The following PRKG1 variants were observed in gnomAD, a reference collection of about 807,000 sequenced individuals.
PRKG1 encodes the protein cGMP-dependent protein kinase 1.
In PRKG1, 35 loss-of-function variants were observed where a neutral mutation model predicts 88.1. The ratio of observed to expected loss-of-function variants is 0.40; its 90% CI spans 0.30 to 0.53. The LOEUF is 0.53. PRKG1 is among the 20% of genes least tolerant of loss of function. PRKG1 has a pLI of 0.59. For synonymous variants in PRKG1, 303 were observed against 292.5 expected, an observed-to-expected ratio of 1.04 and a Z score of -0.37; for missense variants, 540 against 839.8, an observed-to-expected ratio of 0.64 and a Z score of 4.41.
chr10:52,292,913 C>A (rs937070378), intron 17 of PRKG1, among the ~76,000 whole-genome samples: 10 of 151,912 alleles, frequency 6.6e-5, no homozygotes, highest in African/African-American at 2.4e-4. Context: ...CTGGTCAGGG[C>A]AATTAGGCAG....
intron 8 of PRKG1, among the ~76,000 whole-genome samples, chr10:52,151,587 T>C (rs910414290): frequency 6.6e-6 from 1 of 152,200 alleles, no homozygotes; most frequent in African/African-American, 2.4e-5. Flanking sequence ...TATCTACTTT[T>C]GTTAGTATGG....
intron 1 of PRKG1, among the ~76,000 whole-genome samples, chr10:51,108,239 T>C (rs10995673): frequency 0.29 from 43,652 of 151,918 alleles, 6,504 homozygotes; most frequent in African/African-American, 0.34. Context: ...GGGATATTTT[T>C]GGCTCAATTT....
intron 1 of PRKG1, among the ~76,000 whole-genome samples, chr10:51,002,444 T>G (rs748949134): frequency 1.4e-4 from 21 of 152,196 alleles, no homozygotes; most frequent in Non-Finnish European, 1.6e-4. Context: ...TTTATTTACA[T>G]GTATCTAAAT....
intron 8 of PRKG1, among the ~76,000 whole-genome samples, chr10:52,151,704 T>TA (rs1837931761): frequency 6.6e-6 from 1 of 152,180 alleles, no homozygotes; most frequent in Non-Finnish European, 1.5e-5. Context: ...AGTTGAGAGA[T>TA]ATTTATTTTT....
intron 8 of PRKG1, among the ~76,000 whole-genome samples, chr10:52,138,024 T>A (rs1336551898): frequency 6.6e-6 from 1 of 152,064 alleles, no homozygotes; most frequent in Non-Finnish European, 1.5e-5. Context: ...CCCAGGAAAT[T>A]AAGATTTAAA....
chr10:51,636,845 C>T (rs1184194883), intron 3 of PRKG1, among the ~76,000 whole-genome samples: 1 of 152,138 alleles, frequency 6.6e-6, no homozygotes, highest in East Asian at 1.9e-4. Context: ...TGATAGGTAG[C>T]AAACGAGGAG....
chr10:51,427,884 C>T (rs912447182), intron 2 of PRKG1, among the ~76,000 whole-genome samples: 5 of 152,074 alleles, frequency 3.3e-5, no homozygotes, highest in African/African-American at 1.2e-4. Context: ...ATCATAAACA[C>T]CAGGTGGTGA....
At chr10:51,187,085 C>T (rs1837511900) in intron 2 of PRKG1, among the ~76,000 whole-genome samples, 1 of 150,594 alleles carries the variant, frequency 6.6e-6, no homozygotes. Flanking sequence ...ATGAGAAGTC[C>T]AAACTACTTA....
intron 1 of PRKG1, among the ~76,000 whole-genome samples, chr10:51,124,179 A>G (rs541581405): frequency 2.6e-5 from 4 of 152,216 alleles, no homozygotes; most frequent in East Asian, 3.9e-4. Flanking sequence ...TGATCAAGCT[A>G]CTATCCTTAA....
chr10:51,221,214 C>T (rs1260592497), intron 2 of PRKG1, among the ~76,000 whole-genome samples: 2 of 151,692 alleles, frequency 1.3e-5, no homozygotes, highest in Non-Finnish European at 2.9e-5. Context: ...CTAGTTAGTT[C>T]TTTACTAATT....
chr10:52,045,234 T>C (rs1412969894), intron 5 of PRKG1, among the ~76,000 whole-genome samples: 1 of 152,070 alleles, frequency 6.6e-6, no homozygotes, highest in Non-Finnish European at 1.5e-5. Flanking sequence ...TGTCTGATAT[T>C]CTATCCCCAC....
At chr10:51,482,296 T>G (rs1392180194) in intron 3 of PRKG1, among the ~76,000 whole-genome samples, 1 of 152,108 alleles carries the variant, frequency 6.6e-6, no homozygotes, top group East Asian at 1.9e-4. Flanking sequence ...AATCAAACAC[T>G]ATGAGATTTA....
intron 3 of PRKG1, among the ~76,000 whole-genome samples, chr10:51,511,362 A>G (rs1026723254): frequency 6.6e-6 from 1 of 152,200 alleles, no homozygotes; most frequent in Non-Finnish European, 1.5e-5. Context: ...CATTAAAATT[A>G]AGGACTTCTA....
At chr10:51,072,297 C>G (rs1436647252), upstream of PRKG1, among the ~76,000 whole-genome samples, 1 of 152,150 alleles carries the variant, frequency 6.6e-6, no homozygotes, top group East Asian at 1.9e-4. Context: ...TACATTGTAT[C>G]TGGTATATTT....
rs188208628 is a variant in PRKG1 at position 51,150,314 on chromosome 10, T to C, written c.312-2850T>C. On this transcript the variant is annotated intron_variant, in intron 1 of 17. Coordinates refer to ENST00000373980, the MANE Select transcript of PRKG1 (RefSeq NM_006258.4). ...ACAGTGAGTGTCTTAGACCATTTCT[T>C]TGGGGAAAGAAAGGGATTCAAAGAA... Among the ~76,000 whole-genome samples, 366 of 152,222 alleles carry C rather than the reference T, an allele frequency of 2.4e-3. 2 individuals carry two copies. The highest frequency in any genetic ancestry group is 8.4e-3 in the African/African-American group (349 of 41,532).
chr10:51,153,683 G>A (rs1177012952), intron 2 of PRKG1, among the ~76,000 whole-genome samples: 1 of 151,902 alleles, frequency 6.6e-6, no homozygotes. Flanking sequence ...ATTTTTGGCC[G>A]ATAATTTAAG....
chr10:51,202,410 C>T (rs1013092032), intron 2 of PRKG1, among the ~76,000 whole-genome samples: 4 of 152,160 alleles, frequency 2.6e-5, no homozygotes, highest in African/African-American at 9.7e-5. Flanking sequence ...TCCTGCTATC[C>T]TCCACCGTTC....
At chr10:51,570,221 C>T (rs551395261) in intron 3 of PRKG1, among the ~76,000 whole-genome samples, 7 of 151,548 alleles carry the variant, frequency 4.6e-5, no homozygotes, top group East Asian at 3.9e-4. Flanking sequence ...TGAACATCCA[C>T]GTATAACTTT....
In PRKG1 at chr10:51,852,508, G is replaced by A. The variant is rs112772068; in HGVS notation, c.698+47818G>A. On this transcript the variant is annotated intron_variant, in intron 4 of 17. Coordinates refer to ENST00000373980, the MANE Select transcript of PRKG1 (RefSeq NM_006258.4). ...ACATAGCAGCTCCATGTGGTAGCTG[G>A]TGACATGTACATCTTAGAGATGAAA... Among the ~76,000 whole-genome samples, 817 of 152,116 alleles carry A rather than the reference G, an allele frequency of 5.4e-3. 6 individuals carry two copies. The highest frequency in any genetic ancestry group is 0.019 in the African/African-American group (789 of 41,478).
Sources: gnomAD v4.1 joint callset for allele counts (sites outside exome capture counted in the v4.1 genomes callset) on GRCh38, gnomAD v4.1.1 for gene constraint, MANE v1.5 for transcripts, NCBI Gene and HGNC (gene_info 2026-07-23, HGNC 2026-07-21) for gene names.